Variants in GNB4 observed in about 807,000 individuals in gnomAD.
GNB4 encodes the protein guanine nucleotide-binding protein subunit beta-4.
A neutral mutation model predicts 45.2 loss-of-function variants in GNB4; 28 were observed. That is an observed-to-expected ratio of 0.62 (90% confidence interval 0.46 to 0.85). The LOEUF (loss-of-function observed/expected upper bound fraction) is 0.85. Among genes scored for constraint, GNB4 ranks in the 40% least tolerant of loss-of-function variants. The pLI is 0.00. For missense variants in GNB4, 321 were observed against 425.4 expected, an observed-to-expected ratio of 0.75 and a Z score of 2.16; for synonymous variants, 132 against 143.7, an observed-to-expected ratio of 0.92 and a Z score of 0.58.
At chr3:179,468,049 T>TATATATATAGAGAGAGAGAGAGAGAGAG in the GNB4 span, among the ~76,000 whole-genome samples, 4 of 130,988 alleles carry the variant, frequency 3.1e-5, no homozygotes, top group African/African-American at 1.2e-4. Context: ...TATATATATA[T>TATATATATAGAGAGAGAGAGAGAGAGAG]AGAACAGGTG....
chr3:179,482,313 G>A, the GNB4 span, among the ~76,000 whole-genome samples: 6 of 152,148 alleles, frequency 3.9e-5, no homozygotes, highest in African/African-American at 1.2e-4. Context: ...AGGGAAGATA[G>A]GCATACATCA....
intron 1 of GNB4, among the ~76,000 whole-genome samples, chr3:179,445,051 A>C (rs1353284168): frequency 6.6e-6 from 1 of 152,164 alleles, no homozygotes. Flanking sequence ...AAAATTAAAA[A>C]TCCTATATAA....
At chr3:179,506,360 A>G in the GNB4 span, among the ~76,000 whole-genome samples, 1 of 152,184 alleles carries the variant, frequency 6.6e-6, no homozygotes, top group Non-Finnish European at 1.5e-5. Context: ...AGAAAGGAAA[A>G]AAAGGAAAAT....
At chr3:179,410,358 A>G (rs181050682) in intron 8 of GNB4, 1 of 151,420 alleles carries the variant, frequency 6.6e-6, no homozygotes, top group Non-Finnish European at 1.5e-5. Flanking sequence ...ATTGATTGAT[A>G]GATAGATAGA....
At chr3:179,518,027 C>G in the GNB4 span, among the ~76,000 whole-genome samples, 1 of 152,080 alleles carries the variant, frequency 6.6e-6, no homozygotes, top group Non-Finnish European at 1.5e-5. Flanking sequence ...CAAGCACCCC[C>G]CATCCCTTCT....
chr3:179,519,135 T>C, the GNB4 span, among the ~76,000 whole-genome samples: 10 of 152,308 alleles, frequency 6.6e-5, no homozygotes, highest in East Asian at 1.9e-4. Context: ...AGGAGCTTGC[T>C]ACAAGTGCCA....
At chr3:179,498,698 G>C in the GNB4 span, among the ~76,000 whole-genome samples, 1 of 150,718 alleles carries the variant, frequency 6.6e-6, no homozygotes, top group Admixed American at 6.6e-5. Flanking sequence ...CTCCCAAAAT[G>C]CTGGGATTAC....
At chr3:179,443,906 A>G (rs986160662) in intron 1 of GNB4, among the ~76,000 whole-genome samples, 2 of 152,206 alleles carry the variant, frequency 1.3e-5, no homozygotes, top group African/African-American at 4.8e-5. Flanking sequence ...TCTACCATGC[A>G]GTTCGAATAG....
the GNB4 span, among the ~76,000 whole-genome samples, chr3:179,527,227 C>T: frequency 5.3e-5 from 8 of 152,108 alleles, no homozygotes; most frequent in Non-Finnish European, 8.8e-5. Context: ...GCCTGGAAGA[C>T]GTTCTCTCTC....
intron 1 of GNB4, among the ~76,000 whole-genome samples, chr3:179,443,568 A>G (rs546010248): frequency 6.6e-6 from 1 of 152,190 alleles, no homozygotes. Flanking sequence ...AAAGTTACCA[A>G]TAAGTAGAAA....
At chr3:179,487,752 T>C in the GNB4 span, among the ~76,000 whole-genome samples, 3 of 152,124 alleles carry the variant, frequency 2.0e-5, no homozygotes, top group Non-Finnish European at 4.4e-5. Flanking sequence ...TCAGCAATAT[T>C]AAAACACTTG....
chr3:179,428,059 C>A (rs1022540153), intron 1 of GNB4, among the ~76,000 whole-genome samples: 3 of 152,126 alleles, frequency 2.0e-5, no homozygotes. Context: ...ATGCTACAAT[C>A]GCATCAACTA....
Position 179,406,817 on chromosome 3 carries a change from G to A in GNB4, c.700-1411C>T, listed in dbSNP as rs981355213. 2.6e-5 allele frequency among the ~76,000 whole-genome samples: 4 copies of A among 151,930 alleles called. No individual in the cohort carries two copies. In the South Asian group the frequency reaches 8.3e-4, roughly 32 times the overall value. ...TTTAGTAGAGACGGGGTTTCATTAT[G>A]TTGGCCAGGGTGGTCTCAAACTCCT... On this transcript the variant is annotated intron_variant, in intron 8 of 9. Transcript: ENST00000232564.
chr3:179,527,784 GTATGTA>G, the GNB4 span, among the ~76,000 whole-genome samples: 20 of 105,540 alleles, frequency 1.9e-4, no homozygotes, highest in East Asian at 8.4e-4. Context: ...GTGCGTGTGT[GTATGTA>G]TGTGTGTGTG....
At chr3:179,496,739 A>C in the GNB4 span, among the ~76,000 whole-genome samples, 1 of 152,138 alleles carries the variant, frequency 6.6e-6, no homozygotes, top group African/African-American at 2.4e-5. Flanking sequence ...GTAACGGGAG[A>C]CAAAGAAGGT....
the GNB4 span, among the ~76,000 whole-genome samples, chr3:179,517,992 A>ACCCCTTCTCCACTT: frequency 2.0e-5 from 3 of 149,958 alleles, no homozygotes; most frequent in Non-Finnish European, 4.5e-5. Context: ...CCGTGTCTCT[A>ACCCCTTCTCCACTT]CCCCTTCTCC....
the GNB4 span, among the ~76,000 whole-genome samples, chr3:179,474,737 C>CTTTTTTTTTTTTTTTTTTTTT: frequency 1.0e-4 from 6 of 59,726 alleles, 1 homozygote; most frequent in Admixed American, 2.7e-4. Flanking sequence ...AGACTGGGTC[C>CTTTTTTTTTTTTTTTTTTTTT]TTTTTTTTTT....
the GNB4 span, among the ~76,000 whole-genome samples, chr3:179,516,385 A>G: frequency 1.3e-5 from 2 of 152,206 alleles, no homozygotes. Flanking sequence ...TCTGTGGGAA[A>G]GGCCTCTACC....
At chr3:179,415,532 A>T (rs1714773491) in intron 5 of GNB4, among the ~76,000 whole-genome samples, 1 of 152,162 alleles carries the variant, frequency 6.6e-6, no homozygotes, top group Non-Finnish European at 1.5e-5. Context: ...ATAGGCCCTT[A>T]TTCTGGGATC....
Sources: gnomAD v4.1 joint callset for allele counts (sites outside exome capture counted in the v4.1 genomes callset) on GRCh38, gnomAD v4.1.1 for gene constraint, MANE v1.5 for transcripts, NCBI Gene and HGNC (gene_info 2026-07-23, HGNC 2026-07-21) for gene names.